UHRF1: variants seen among roughly 807,000 people sequenced by gnomAD.
UHRF1 encodes the protein ubiquitin like with PHD and ring finger domains 1.
In UHRF1, 9 loss-of-function variants were observed where a neutral mutation model predicts 96.5. The observed-to-expected ratio is 0.09, with a 90% CI of 0.06 to 0.16. UHRF1 has a LOEUF of 0.16. UHRF1 is among the 10% of genes least tolerant of loss of function. UHRF1 has a pLI of 1.00. For missense variants in UHRF1, 626 were observed against 1,131.1 expected (o/e 0.55, Z 6.40); for synonymous variants, 455 against 469.9 (o/e 0.97, Z 0.41).
chr19:4,919,769 A>G (rs1245704152), intron 2 of UHRF1, among the ~76,000 whole-genome samples: 1 of 152,104 alleles, frequency 6.6e-6, no homozygotes, highest in Non-Finnish European at 1.5e-5. Flanking sequence ...AGGAGACTTT[A>G]CAAATTTCCA....
At chr19:4,909,932 C>A (rs1199858939) in intron 1 of UHRF1, among the ~76,000 whole-genome samples, 2 of 150,886 alleles carry the variant, frequency 1.3e-5, no homozygotes, top group Non-Finnish European at 3.0e-5. Context: ...ATGTCAGGCT[C>A]CGCGCCTGCG....
At chr19:4,905,905 G>A (rs1217249728), upstream of UHRF1, among the ~76,000 whole-genome samples, 1 of 152,200 alleles carries the variant, frequency 6.6e-6, no homozygotes, top group Non-Finnish European at 1.5e-5. Context: ...CCTGCTCTAA[G>A]TGACTTGTGA....
At chr19:4,905,056 G>A (rs1438328207), upstream of UHRF1, among the ~76,000 whole-genome samples, 1 of 151,704 alleles carries the variant, frequency 6.6e-6, no homozygotes, top group Non-Finnish European at 1.5e-5. Flanking sequence ...CTGACCCACG[G>A]GCCACATTTG....
chr19:4,932,406 G>C (rs1423338609), intron 4 of UHRF1, among the ~76,000 whole-genome samples: 1 of 152,202 alleles, frequency 6.6e-6, no homozygotes. Flanking sequence ...TGTTGGATTG[G>C]GGCCCACCCT....
intron 10 of UHRF1, 71 bp downstream of exon 10, chr19:4,946,036 C>T: frequency 8.3e-7 from 1 of 1,198,606 alleles, no homozygotes; most frequent in South Asian, 1.5e-5. Flanking sequence ...ATACATAGAA[C>T]AAAATTTCCC....
At chr19:4,952,505 C>A (rs1280927121) in intron 13 of UHRF1, among the ~76,000 whole-genome samples, 2 of 149,720 alleles carry the variant, frequency 1.3e-5, no homozygotes, top group South Asian at 2.1e-4. Flanking sequence ...GCGACTCTCT[C>A]ATCTCAGCCT....
At chr19:4,953,531 A>C (rs963428947) in intron 13 of UHRF1, among the ~76,000 whole-genome samples, 3 of 152,012 alleles carry the variant, frequency 2.0e-5, no homozygotes, top group Admixed American at 2.0e-4. Flanking sequence ...TGGTGTGATC[A>C]TAGCTCACTA....
chr19:4,927,924 G>A (rs879324436), intron 2 of UHRF1, among the ~76,000 whole-genome samples: 5 of 152,320 alleles, frequency 3.3e-5, no homozygotes, highest in Admixed American at 6.5e-5. Context: ...GGGCAGACGT[G>A]GAAACCAGGG....
At chr19:4,909,680 T>G (rs2032171770) in intron 1 of UHRF1, 25 bp downstream of exon 1, 1 of 512,194 alleles carries the variant, frequency 2.0e-6, no homozygotes, top group South Asian at 2.6e-5. Flanking sequence ...CGGGTCGGGG[T>G]GCCAGCCCGG....
Position 4,961,625 on chromosome 19 carries a change from T to TGAATTATTGAAAATGTCAACCA in UHRF1, c.*825_*846dup, listed in dbSNP as rs1414410890. 1 of 151,250 alleles carries TGAATTATTGAAAATGTCAACCA rather than the reference T, an allele frequency of 6.6e-6. No individual in the cohort carries two copies. The highest frequency in any genetic ancestry group is 2.4e-5 in the African/African-American group (1 of 41,312). The allele number at this position is 151,250 out of a possible 1,614,324, so 9.4% of individuals were successfully genotyped here. A position where few individuals can be genotyped will look rare whatever the true frequency, so the allele number is the denominator to read the frequency against. On this transcript the variant is annotated 3_prime_UTR_variant, in exon 17 of 17. Transcript: ENST00000650932. The stretch of plus-strand genomic sequence containing the variant: ...AGACGACAGTCTTTGTTGTTAGCAC[T>TGAATTATTGAAAATGTCAACCA]GAATTATTGAAAATGTCAACCAGAT...
intron 4 of UHRF1, among the ~76,000 whole-genome samples, chr19:4,931,258 A>G (rs918618446): frequency 6.6e-6 from 1 of 152,180 alleles, no homozygotes; most frequent in Non-Finnish European, 1.5e-5. Flanking sequence ...TCCACACACC[A>G]GTGGACACAG....
chr19:4,953,813 A>C (rs981690569), intron 13 of UHRF1, among the ~76,000 whole-genome samples: 1 of 152,202 alleles, frequency 6.6e-6, no homozygotes, highest in Non-Finnish European at 1.5e-5. Flanking sequence ...TGGATGACTG[A>C]GGCAGGTGGA....
At chr19:4,924,307 G>C (rs934212348) in intron 2 of UHRF1, among the ~76,000 whole-genome samples, 7 of 152,056 alleles carry the variant, frequency 4.6e-5, no homozygotes, top group Non-Finnish European at 1.0e-4. Flanking sequence ...CCGCCACCAC[G>C]CCTGGCTAAT....
At position 4,939,856 on chromosome 19, in the gene UHRF1, C is replaced by T. The variant is rs548930232; in HGVS notation, c.786-1672C>T. The stretch of plus-strand genomic sequence containing the variant: ...TGGCAAACACGGTGAAACCCCGTCT[C>T]TACTAAAAATACAAAAAATTAGCCA... On this transcript the variant is annotated intron_variant, in intron 5 of 16. Transcript: ENST00000650932. 2.0e-5 allele frequency among the ~76,000 whole-genome samples: 3 copies of T among 152,068 alleles called. No homozygotes were observed. The South Asian group carries it at 6.2e-4, about 32-fold the overall frequency.
At chr19:4,935,870 T>C (rs2033200824) in intron 5 of UHRF1, among the ~76,000 whole-genome samples, 1 of 152,162 alleles carries the variant, frequency 6.6e-6, no homozygotes, top group South Asian at 2.1e-4. Context: ...GCACCAGTTA[T>C]ACACCAGCTG....
At chr19:4,953,617 C>T (rs1225974375) in intron 13 of UHRF1, among the ~76,000 whole-genome samples, 2 of 151,996 alleles carry the variant, frequency 1.3e-5, no homozygotes, top group Non-Finnish European at 2.9e-5. Context: ...ATGCACACCA[C>T]CAGGCTCGGC....
chr19:4,944,796 C>T (rs1382971857), intron 9 of UHRF1, among the ~76,000 whole-genome samples: 1 of 152,180 alleles, frequency 6.6e-6, no homozygotes, highest in African/African-American at 2.4e-5. Flanking sequence ...TGGGTGTTGA[C>T]AGTGCTGGGC....
intron 2 of UHRF1, among the ~76,000 whole-genome samples, chr19:4,915,182 A>G (rs1694227245): frequency 6.6e-6 from 1 of 152,206 alleles, no homozygotes. Flanking sequence ...TGTCACAGTG[A>G]TGCCTCAGGT....
At chr19:4,917,639 C>CGAG (rs1381344488) in intron 2 of UHRF1, among the ~76,000 whole-genome samples, 1 of 120,090 alleles carries the variant, frequency 8.3e-6, no homozygotes, top group East Asian at 2.4e-4. Context: ...GGCAACAGAG[C>CGAG]GAGACTCCGT....
Sources: allele counts gnomAD v4.1 joint callset (sites outside exome capture counted in the v4.1 genomes callset), GRCh38; gene constraint gnomAD v4.1.1; transcripts MANE v1.5; gene names NCBI Gene and HGNC (gene_info 2026-07-23, HGNC 2026-07-21).